WDPCP: variants seen among roughly 807,000 people sequenced by gnomAD.
The protein encoded by WDPCP is WD repeat-containing and planar cell polarity effector protein fritz homolog.
Under a neutral mutation model 93.1 loss-of-function variants are expected in WDPCP, and 71 were observed. The ratio of observed to expected loss-of-function variants is 0.76; its 90% CI spans 0.63 to 0.93. The LOEUF is 0.93. WDPCP is among the 40% of genes least tolerant of loss of function. The pLI is 0.00. For missense variants in WDPCP, 844 were observed against 887.4 expected (o/e 0.95, Z 0.62); for synonymous variants, 315 against 315.0 (o/e 1.00, Z 0.00).
At chr2:63,421,754 A>G (rs2105356500) in intron 9 of WDPCP, among the ~76,000 whole-genome samples, 1 of 152,338 alleles carries the variant, frequency 6.6e-6, no homozygotes, top group East Asian at 1.9e-4. Context: ...AAACCTACAG[A>G]CAACTAGATG....
chr2:63,273,400 A>G (rs1395506831), intron 13 of WDPCP, among the ~76,000 whole-genome samples: 1 of 152,050 alleles, frequency 6.6e-6, no homozygotes, highest in Non-Finnish European at 1.5e-5. Flanking sequence ...ACAGTAAGAG[A>G]GGAAGAAAAG....
At chr2:63,745,372 A>G (rs1279400725) in intron 2 of WDPCP, among the ~76,000 whole-genome samples, 3 of 152,216 alleles carry the variant, frequency 2.0e-5, no homozygotes, top group Non-Finnish European at 4.4e-5. Flanking sequence ...CCACTGAATG[A>G]TCGTATCAAC....
At chr2:63,645,996 C>T (rs917701480) in intron 3 of WDPCP, among the ~76,000 whole-genome samples, 1 of 152,074 alleles carries the variant, frequency 6.6e-6, no homozygotes, top group African/African-American at 2.4e-5. Flanking sequence ...AGTTCATTTA[C>T]ATTCATTGTT....
At chr2:63,529,515 G>A (rs189597950) in intron 1 of WDPCP, among the ~76,000 whole-genome samples, 27 of 152,206 alleles carry the variant, frequency 1.8e-4, no homozygotes, top group South Asian at 2.1e-4. Flanking sequence ...GATGGATTAC[G>A]GTTACTGATT....
upstream of WDPCP, among the ~76,000 whole-genome samples, chr2:63,830,257 C>G (rs974978189): frequency 1.3e-5 from 2 of 151,990 alleles, no homozygotes; most frequent in East Asian, 3.8e-4. Context: ...TCCTGAAATA[C>G]CTTTTTATTG....
At chr2:63,683,701 T>C (rs1422246362) in intron 2 of WDPCP, among the ~76,000 whole-genome samples, 2 of 152,014 alleles carry the variant, frequency 1.3e-5, no homozygotes, top group African/African-American at 2.4e-5. Context: ...ATACAAAAAT[T>C]AGCTGGGCAC....
intron 14 of WDPCP, among the ~76,000 whole-genome samples, chr2:63,177,776 A>T (rs1387521725): frequency 6.6e-6 from 1 of 152,110 alleles, no homozygotes; most frequent in African/African-American, 2.4e-5. Context: ...GGGTGAAAGC[A>T]GGCATCTTTG....
At position 63,811,507 on chromosome 2, in the gene WDPCP, G is replaced by A. The variant is rs115377634; in HGVS notation, n.308+2115C>T. Among the ~76,000 whole-genome samples the A allele has an allele frequency of 5.3e-3, 804 of 152,060 alleles. 5 individuals carry two copies. The highest frequency in any genetic ancestry group is 0.034 in the Middle Eastern group (10 of 294). ...GGGCTCTCAGCCTTACCAACACAAG[G>A]AAATGAAGTTTGCCAACAACCTGAG... On this transcript the variant is annotated intron_variant and non_coding_transcript_variant, in intron 2 of 4. Transcript: ENST00000467687.
chr2:63,324,996 G>A (rs1458724615), intron 12 of WDPCP, among the ~76,000 whole-genome samples: 1 of 152,176 alleles, frequency 6.6e-6, no homozygotes, highest in Non-Finnish European at 1.5e-5. Context: ...TAAAAGATAA[G>A]TTTATTACCC....
intron 10 of WDPCP, among the ~76,000 whole-genome samples, chr2:63,393,941 A>G (rs940595913): frequency 6.6e-6 from 1 of 152,194 alleles, no homozygotes; most frequent in African/African-American, 2.4e-5. Context: ...TTAAAGACTT[A>G]AATGTAAAAC....
At chr2:63,327,052 CTTAA>C (rs1380090766) in intron 12 of WDPCP, among the ~76,000 whole-genome samples, 1 of 152,112 alleles carries the variant, frequency 6.6e-6, no homozygotes, top group East Asian at 1.9e-4. Context: ...GGATCTAAAT[CTTAA>C]TTAATTACCA....
At chr2:63,432,138 G>T (rs1205055304) in intron 9 of WDPCP, among the ~76,000 whole-genome samples, 1 of 152,028 alleles carries the variant, frequency 6.6e-6, no homozygotes, top group Non-Finnish European at 1.5e-5. Context: ...GTTACAGAGA[G>T]GAGAAAAGGA....
intron 13 of WDPCP, among the ~76,000 whole-genome samples, chr2:63,263,824 T>C (rs1681859621): frequency 1.3e-5 from 2 of 152,208 alleles, no homozygotes; most frequent in Non-Finnish European, 2.9e-5. Context: ...CTGAAGAAAT[T>C]GCAAACAAGT....
At chr2:63,236,529 A>C (rs1679408139) in intron 14 of WDPCP, among the ~76,000 whole-genome samples, 1 of 152,212 alleles carries the variant, frequency 6.6e-6, no homozygotes, top group Non-Finnish European at 1.5e-5. Flanking sequence ...TAGCAATCCT[A>C]AGCAAAAAGA....
At chr2:63,434,010 AAAGC>A in intron 8 of WDPCP, 74 bp from the exon 9 acceptor site, 1 of 1,466,754 alleles carries the variant, frequency 6.8e-7, no homozygotes. Flanking sequence ...TACAAAAATT[AAAGC>A]ATCTGGAAAT....
At chr2:63,678,324 A>G (rs1710448673) in intron 2 of WDPCP, among the ~76,000 whole-genome samples, 1 of 152,232 alleles carries the variant, frequency 6.6e-6, no homozygotes, top group Non-Finnish European at 1.5e-5. Context: ...GGGGGAAACA[A>G]TACTTTCCCA....
At chr2:63,174,227 T>C (rs1322424763) in intron 15 of WDPCP, among the ~76,000 whole-genome samples, 2 of 152,130 alleles carry the variant, frequency 1.3e-5, no homozygotes, top group African/African-American at 4.8e-5. Flanking sequence ...TTCTTTATCT[T>C]CTCAATAACC....
At chr2:63,282,811 T>A (rs2104946397) in intron 13 of WDPCP, among the ~76,000 whole-genome samples, 1 of 152,262 alleles carries the variant, frequency 6.6e-6, no homozygotes, top group Admixed American at 6.5e-5. Context: ...CCCCCAAGAA[T>A]ACCAAAATCT....
intron 10 of WDPCP, among the ~76,000 whole-genome samples, chr2:63,393,181 T>C (rs961888577): frequency 3.3e-5 from 5 of 152,146 alleles, no homozygotes. Context: ...GTGGCACATA[T>C]ACACCATGGA....
Sources: gnomAD v4.1 joint callset for allele counts (sites outside exome capture counted in the v4.1 genomes callset) on GRCh38, gnomAD v4.1.1 for gene constraint, MANE v1.5 for transcripts, NCBI Gene and HGNC (gene_info 2026-07-23, HGNC 2026-07-21) for gene names.